Variants in XXYLT1 observed in about 807,000 individuals in gnomAD.
XXYLT1 encodes the protein xyloside xylosyltransferase 1.
A neutral mutation model predicts 28.9 loss-of-function variants in XXYLT1; 20 were observed. The observed-to-expected ratio is 0.69, with a 90% CI of 0.49 to 1.00. XXYLT1 has a LOEUF of 1.00. XXYLT1 is among the 50% of genes least tolerant of loss of function. The pLI is 0.00. For synonymous variants in XXYLT1, 257 were observed against 253.8 expected (o/e 1.01, Z -0.12); for missense variants, 542 against 560.1 (o/e 0.97, Z 0.33).
intron 3 of XXYLT1, among the ~76,000 whole-genome samples, chr3:195,088,378 CT>C (rs1485660444): frequency 1.4e-5 from 2 of 147,170 alleles, no homozygotes; most frequent in Non-Finnish European, 3.0e-5. Context: ...TCCCTGACCC[CT>C]GACCCCCGAG....
chr3:195,099,209 T>C (rs1212854782), intron 3 of XXYLT1, among the ~76,000 whole-genome samples: 2 of 152,084 alleles, frequency 1.3e-5, no homozygotes, highest in Admixed American at 1.3e-4. Flanking sequence ...GAGATTAAAA[T>C]AATAAACTCT....
Position 195,271,015 on chromosome 3 carries a change from G to T in XXYLT1, c.44C>A (p.Ala15Glu). The T allele has an allele frequency of 3.4e-6, 5 of 1,469,678 alleles. No homozygotes were observed. The highest frequency in any genetic ancestry group is 3.6e-6 in the Non-Finnish European group (4 of 1,115,548). 91.0% of individuals were successfully genotyped at this position (1,469,678 alleles called of 1,614,324 possible). ...RGGLPCARAM[A>E]RLGAVRSHYC... ...GTGGGAGCGCACAGCGCCCAGGCGCGCCATGGCCCGAGCGCATGGGAGCCC... is the reference window on the plus strand; with the variant it reads ...GTGGGAGCGCACAGCGCCCAGGCGCTCCATGGCCCGAGCGCATGGGAGCCC... Residue 15 changes from alanine (A) to glutamate (E), a missense_variant, in exon 1 of 4, where the codon GCG (alanine) becomes GAG (glutamate). Physicochemically the swap from Ala to Glu is moderately radical, Grantham distance 107 (BLOSUM62 -1). Coordinates refer to ENST00000310380, the MANE Select transcript of XXYLT1 (RefSeq NM_152531.5).
rs1342986422 is a variant in XXYLT1 at position 195,110,125 on chromosome 3, TGTGTGTGTGTG to T, written c.786-40025_786-40015del. On this transcript the variant is annotated intron_variant, in intron 3 of 3. Coordinates refer to ENST00000310380, the MANE Select transcript of XXYLT1 (RefSeq NM_152531.5). ...GTGGTGTATGTGTGCATGTGTGGTG[TGTGTGTGTGTG>T]GTGTGTGTGGTGTCTGTGTGTTGTG... Among the ~76,000 whole-genome samples, 12 of 45,688 alleles carry T rather than the reference TGTGTGTGTGTG, an allele frequency of 2.6e-4. 2 individuals are homozygous for T. Among genetic ancestry groups the T allele is most frequent in the African/African-American group, 9.8e-4 (12 of 12,186 alleles). The allele number at this position is 45,688 out of a possible 152,430, so 30.0% of individuals were successfully genotyped here. A position where few individuals can be genotyped will look rare whatever the true frequency, so the allele number is the denominator to read the frequency against.
chr3:195,248,086 C>T (rs908219033), intron 1 of XXYLT1, among the ~76,000 whole-genome samples: 4 of 152,142 alleles, frequency 2.6e-5, no homozygotes, highest in Non-Finnish European at 4.4e-5. Flanking sequence ...TTCACAAAGC[C>T]GCTCATCCAG....
At chr3:195,142,799 G>C (rs942277463) in intron 3 of XXYLT1, among the ~76,000 whole-genome samples, 6 of 152,240 alleles carry the variant, frequency 3.9e-5, no homozygotes, top group Non-Finnish European at 8.8e-5. Context: ...AGGGAGGATG[G>C]TGAAGTGGGA....
Position 195,069,860 on chromosome 3 carries a change from T to G in XXYLT1, c.1037A>C (p.His346Pro). 6.2e-7 allele frequency: 1 copy of G among 1,614,106 alleles called. No individual in the cohort carries two copies. Among genetic ancestry groups the G allele is most frequent in the Non-Finnish European group, 8.5e-7 (1 of 1,180,010 alleles). ...MIGMEHPKLF[H>P]VLDCTWNRQL... is the part of the protein sequence containing the mutation. ...CCGGTTCCAGGTACAGTCCAGCACA[T>G]GGAAGAGCTTGGGGTGCTCCATGCC... The change falls in exon 4 of 4, where the codon CAT becomes CCT. Residue 346 changes from histidine (H) to proline (P), a missense_variant. Coordinates refer to ENST00000310380, the MANE Select transcript of XXYLT1 (RefSeq NM_152531.5).
chr3:195,266,500 A>T (rs1725854515), intron 1 of XXYLT1, among the ~76,000 whole-genome samples: 1 of 152,160 alleles, frequency 6.6e-6, no homozygotes, highest in Non-Finnish European at 1.5e-5. Flanking sequence ...CACAAAAAAA[A>T]AATAAAAGAA....
Position 195,176,062 on chromosome 3 carries a change from ATTTT to A in XXYLT1, c.653-19485_653-19482del, listed in dbSNP as rs77496081. On this transcript the variant is annotated intron_variant, in intron 2 of 3. Coordinates refer to ENST00000310380, the MANE Select transcript of XXYLT1 (RefSeq NM_152531.5). This position sits in a 1 kb window ranked among gnomAD's most constrained non-coding sequence, Gnocchi z 4.9. ...CCACACACCTAAAAGATATGACAGA[ATTTT>A]TTTTTTTTGAGACAGGGTCTCACTC... Among the ~76,000 whole-genome samples the A allele has an allele frequency of 2.3e-4, 34 of 148,152 alleles. No individual in the cohort carries two copies. The highest frequency in any genetic ancestry group is 6.4e-4 in the African/African-American group (26 of 40,678).
chr3:195,100,800 T>A (rs1285603776), intron 3 of XXYLT1, among the ~76,000 whole-genome samples: 1 of 152,262 alleles, frequency 6.6e-6, no homozygotes, highest in East Asian at 1.9e-4. Context: ...GGGTTTATAC[T>A]GATCCTACAT....
chr3:195,104,260 G>A (rs2108681348), intron 3 of XXYLT1, among the ~76,000 whole-genome samples: 1 of 150,596 alleles, frequency 6.6e-6, no homozygotes, highest in African/African-American at 2.4e-5. Context: ...TTATGAGAGG[G>A]CAGATGCCAT....
At chr3:195,198,763 A>G (rs1378702767) in intron 2 of XXYLT1, among the ~76,000 whole-genome samples, 3 of 152,184 alleles carry the variant, frequency 2.0e-5, no homozygotes, top group Admixed American at 2.0e-4. Flanking sequence ...GAACCGTTCT[A>G]CAGTGTTCAC....
At position 195,069,801 on chromosome 3, in the gene XXYLT1, T is replaced by C. The variant is rs755213048; in HGVS notation, c.1096A>G (p.Ser366Gly). 7 of 1,614,054 alleles carry C rather than the reference T, an allele frequency of 4.3e-6. No individual in the cohort carries two copies. Among genetic ancestry groups the C allele is most frequent in the African/African-American group, 2.7e-5 (2 of 74,940 alleles). Reference sequence around the variant, plus strand: ...CTGAAATAGGCCTCGAAGACGTCACTGTAGCCATGGTCCCTCCACCAGGTG... The same window carrying C: ...CTGAAATAGGCCTCGAAGACGTCACCGTAGCCATGGTCCCTCCACCAGGTG... ...LCTWWRDHGY[S>G]DVFEAYFRCE... Residue 366 changes from serine to glycine, a missense_variant, in exon 4 of 4, where the codon AGT becomes GGT. Transcript: ENST00000310380.
intron 3 of XXYLT1, among the ~76,000 whole-genome samples, chr3:195,097,886 CAAAGA>C (rs1480943684): frequency 6.6e-6 from 1 of 151,112 alleles, no homozygotes; most frequent in Admixed American, 6.6e-5. Context: ...AATGTCTGGA[CAAAGA>C]AAAGATGAGA....
chr3:195,184,457 C>T (rs1275479649), intron 2 of XXYLT1, among the ~76,000 whole-genome samples: 1 of 152,160 alleles, frequency 6.6e-6, no homozygotes, highest in Non-Finnish European at 1.5e-5. Flanking sequence ...ATGATTAAAC[C>T]TTTGCCTTTA....
intron 1 of XXYLT1, among the ~76,000 whole-genome samples, chr3:195,252,604 G>T (rs1271666534): frequency 2.0e-5 from 3 of 151,852 alleles, no homozygotes; most frequent in Non-Finnish European, 4.4e-5. Flanking sequence ...GTGTTAATTT[G>T]TGGGAACAGG....
At chr3:195,118,343 G>A (rs1272170970) in intron 3 of XXYLT1, among the ~76,000 whole-genome samples, 1 of 152,196 alleles carries the variant, frequency 6.6e-6, no homozygotes, top group Non-Finnish European at 1.5e-5. Context: ...AGTTCCAAAG[G>A]TCCTTCTAAT....
intron 3 of XXYLT1, among the ~76,000 whole-genome samples, chr3:195,072,917 GA>G (rs1298943777): frequency 6.6e-6 from 1 of 152,178 alleles, no homozygotes; most frequent in Non-Finnish European, 1.5e-5. Flanking sequence ...GACAGTATTG[GA>G]GCTCGTGCGA....
rs953266268 is a variant in XXYLT1 at position 195,129,821 on chromosome 3, G to A, written c.785+26628C>T. On this transcript the variant is annotated intron_variant, in intron 3 of 3. Transcript: ENST00000310380. The surrounding 1 kb of genome is among the most constrained non-coding windows in gnomAD (Gnocchi z 4.4). Reference sequence around the variant, plus strand: ...GTGGGCGCATGTTTTCAGTTCTCTCGGGTCTCTGTACACCTATCTAGGAGT... The same window carrying A: ...GTGGGCGCATGTTTTCAGTTCTCTCAGGTCTCTGTACACCTATCTAGGAGT... 1.3e-5 allele frequency among the ~76,000 whole-genome samples: 2 copies of A among 152,006 alleles called. No individual in the cohort carries two copies. The highest frequency in any genetic ancestry group is 2.9e-5 in the Non-Finnish European group (2 of 68,006).
chr3:195,085,583 TC>T (rs1014653407), intron 3 of XXYLT1, among the ~76,000 whole-genome samples: 1 of 152,132 alleles, frequency 6.6e-6, no homozygotes, highest in African/African-American at 2.4e-5. Flanking sequence ...GCTCCTGTGC[TC>T]CCTCACAGCT....
Sources: gnomAD v4.1 joint callset for allele counts (sites outside exome capture counted in the v4.1 genomes callset) on GRCh38, gnomAD v4.1.1 for gene constraint, Gnocchi (gnomAD v3.1) non-coding constraint, MANE v1.5 for transcripts, NCBI Gene and HGNC (gene_info 2026-07-23, HGNC 2026-07-21) for gene names.